HS6ST3: variants seen among roughly 807,000 people sequenced by gnomAD.
HS6ST3 encodes the protein heparan-sulfate 6-O-sulfotransferase 3.
In HS6ST3, 12 loss-of-function variants were observed where a neutral mutation model predicts 36.7. That is an observed-to-expected ratio of 0.33 (90% CI 0.21 to 0.53). The LOEUF is 0.53. Among genes scored for constraint, HS6ST3 ranks in the 20% least tolerant of loss-of-function variants. The pLI is 0.95. For missense variants in HS6ST3, 584 were observed against 640.9 expected, an observed-to-expected ratio of 0.91 and a Z score of 0.96; for synonymous variants, 240 against 257.5, an observed-to-expected ratio of 0.93 and a Z score of 0.65.
chr13:96,629,083 C>T (rs573756098), intron 1 of HS6ST3, among the ~76,000 whole-genome samples: 50 of 152,180 alleles, frequency 3.3e-4, no homozygotes, highest in Admixed American at 9.2e-4. Context: ...AGTTTATTCT[C>T]TATGCTTATT....
intron 1 of HS6ST3, among the ~76,000 whole-genome samples, chr13:96,479,951 T>C (rs1052502136): frequency 4.6e-5 from 7 of 152,278 alleles, no homozygotes; most frequent in African/African-American, 1.7e-4. Context: ...TGACCCACTA[T>C]ATTCTGCTCC....
At chr13:96,193,531 A>G (rs1483764354) in intron 1 of HS6ST3, among the ~76,000 whole-genome samples, 2 of 152,190 alleles carry the variant, frequency 1.3e-5, no homozygotes, top group African/African-American at 4.8e-5. Flanking sequence ...CCGGACTCTC[A>G]GACAGCGATC....
At chr13:96,761,184 G>A (rs928253969) in intron 1 of HS6ST3, among the ~76,000 whole-genome samples, 8 of 150,464 alleles carry the variant, frequency 5.3e-5, no homozygotes, top group Middle Eastern at 3.4e-3. Context: ...ACACAATCTC[G>A]GCTCACTGCA....
rs575387011 is a variant in HS6ST3, at chr13:96,112,662, G to A, written c.707+21093G>A. Reference sequence around the variant, plus strand: ...GTACACCTGTGGTCCCAGCTACTCCGGAGGCTGAGGCAGAAGGATCACTTG... The same window carrying A: ...GTACACCTGTGGTCCCAGCTACTCCAGAGGCTGAGGCAGAAGGATCACTTG... On this transcript the variant is annotated intron_variant, in intron 1 of 1. Coordinates refer to ENST00000376705, the MANE Select transcript of HS6ST3 (RefSeq NM_153456.4). Among the ~76,000 whole-genome samples, 6 of 136,196 alleles carry A rather than the reference G, an allele frequency of 4.4e-5. No homozygotes were observed. In the East Asian group the frequency reaches 9.0e-4, roughly 20 times the overall value. The allele number at this position is 136,196 out of a possible 152,430, so 89.3% of individuals were successfully genotyped here.
intron 1 of HS6ST3, among the ~76,000 whole-genome samples, chr13:96,747,557 T>C (rs1876591082): frequency 6.6e-6 from 1 of 152,150 alleles, no homozygotes; most frequent in African/African-American, 2.4e-5. Context: ...GTTTTATCTG[T>C]ATAATTAATG....
chr13:96,337,569 C>T (rs151257078), intron 1 of HS6ST3, among the ~76,000 whole-genome samples: 2 of 152,210 alleles, frequency 1.3e-5, no homozygotes, highest in Non-Finnish European at 2.9e-5. Context: ...GTGACTTCAC[C>T]TGCACCTTCT....
chr13:96,572,191 A>G (rs1390774102), intron 1 of HS6ST3, among the ~76,000 whole-genome samples: 1 of 152,230 alleles, frequency 6.6e-6, no homozygotes, highest in Admixed American at 6.5e-5. Context: ...GCACAGAGAT[A>G]TGTTGGGACA....
chr13:96,136,352 C>T (rs949061834), intron 1 of HS6ST3, among the ~76,000 whole-genome samples: 8 of 152,150 alleles, frequency 5.3e-5, no homozygotes. Context: ...GTGGCACCAT[C>T]TGCTTCTGGG....
At chr13:96,114,192 C>T (rs1160353925) in intron 1 of HS6ST3, among the ~76,000 whole-genome samples, 1 of 151,748 alleles carries the variant, frequency 6.6e-6, no homozygotes, top group Non-Finnish European at 1.5e-5. Context: ...GTCTCTGTCA[C>T]CCAGGCTGGA....
At chr13:96,720,633 G>T (rs1875820512) in intron 1 of HS6ST3, among the ~76,000 whole-genome samples, 1 of 152,236 alleles carries the variant, frequency 6.6e-6, no homozygotes, top group East Asian at 1.9e-4. Flanking sequence ...GCATTTTGTT[G>T]CTATTTCACC....
intron 1 of HS6ST3, among the ~76,000 whole-genome samples, chr13:96,182,138 G>A (rs916200435): frequency 6.6e-6 from 1 of 152,338 alleles, no homozygotes. Context: ...CACGCCTCTT[G>A]AGACTAGACC....
At chr13:96,263,960 G>T (rs916936058) in intron 1 of HS6ST3, among the ~76,000 whole-genome samples, 1 of 152,206 alleles carries the variant, frequency 6.6e-6, no homozygotes, top group African/African-American at 2.4e-5. Context: ...TCAAAATGGA[G>T]CCTGGCCTCC....
intron 1 of HS6ST3, among the ~76,000 whole-genome samples, chr13:96,165,566 G>A (rs1044028602): frequency 6.6e-6 from 1 of 152,166 alleles, no homozygotes; most frequent in African/African-American, 2.4e-5. Context: ...AGATGTAGTA[G>A]CTCTTGTTCC....
In HS6ST3 at chr13:96,714,490, T is replaced by C. The variant is rs896272613; in HGVS notation, c.708-118000T>C. ...AGTTTCCAAAATTAAAGTTTTAGGATGCCAAGAGTTGGAAAGATTTGAAGC... is the reference window on the plus strand; with the variant it reads ...AGTTTCCAAAATTAAAGTTTTAGGACGCCAAGAGTTGGAAAGATTTGAAGC... On this transcript the variant is annotated intron_variant, in intron 1 of 1. Coordinates refer to ENST00000376705, the MANE Select transcript of HS6ST3 (RefSeq NM_153456.4). 2.6e-5 allele frequency among the ~76,000 whole-genome samples: 4 copies of C among 152,258 alleles called. 1 individual carries two copies. Among genetic ancestry groups the C allele is most frequent in the Admixed American group, 2.6e-4 (4 of 15,288 alleles).
chr13:96,519,287 G>T (rs1375073214), intron 1 of HS6ST3, among the ~76,000 whole-genome samples: 1 of 152,142 alleles, frequency 6.6e-6, no homozygotes, highest in African/African-American at 2.4e-5. Flanking sequence ...ACCAGGATTG[G>T]TATCGTGTTT....
At position 96,627,151 on chromosome 13, in the gene HS6ST3, G is replaced by A. The variant is rs550079823; in HGVS notation, c.708-205339G>A. ...AATGGTTGCAAAATGTATTTATTGC[G>A]TATGTTTTTATACAGCCCCTCTCAA... On this transcript the variant is annotated intron_variant, in intron 1 of 1. Coordinates refer to ENST00000376705, the MANE Select transcript of HS6ST3 (RefSeq NM_153456.4). 3.3e-5 allele frequency among the ~76,000 whole-genome samples: 5 copies of A among 152,054 alleles called. No individual in the cohort carries two copies. The East Asian group carries it at 9.7e-4, about 29-fold the overall frequency.
intron 1 of HS6ST3, among the ~76,000 whole-genome samples, chr13:96,808,433 G>A (rs1177968310): frequency 4.6e-5 from 7 of 152,118 alleles, no homozygotes; most frequent in Non-Finnish European, 1.0e-4. Context: ...AGCAACGTTC[G>A]AATTGACTGT....
intron 1 of HS6ST3, among the ~76,000 whole-genome samples, chr13:96,193,447 G>C (rs1329545327): frequency 6.6e-6 from 1 of 152,296 alleles, no homozygotes; most frequent in African/African-American, 2.4e-5. Context: ...GAAAAGAAAA[G>C]TGAAGGGAAC....
In HS6ST3 at chr13:96,746,912, A is replaced by T. The variant is rs190564829; in HGVS notation, c.708-85578A>T. Among the ~76,000 whole-genome samples, 599 of 152,192 alleles carry T rather than the reference A, an allele frequency of 3.9e-3. 4 individuals carry two copies. Among genetic ancestry groups the T allele is most frequent in the African/African-American group, 0.013 (545 of 41,540 alleles). On this transcript the variant is annotated intron_variant, in intron 1 of 1. Transcript: ENST00000376705. ...AAGCTGGAAGGTTCTTATGCCATTG[A>T]TTCTTGCCATGGTACTAATAGATAT... is the stretch of plus-strand genomic sequence containing the variant.
Sources: allele counts gnomAD v4.1 joint callset (sites outside exome capture counted in the v4.1 genomes callset), GRCh38; gene constraint gnomAD v4.1.1; transcripts MANE v1.5; gene names NCBI Gene and HGNC (gene_info 2026-07-23, HGNC 2026-07-21).